Variants in BRD10 observed in about 807,000 individuals in gnomAD.
BRD10 encodes the protein bromodomain containing 10, also known as uncharacterized bromodomain-containing protein 10.
the BRD10 span, among the ~76,000 whole-genome samples, chr9:5,958,337 T>C: frequency 6.6e-6 from 1 of 152,226 alleles, no homozygotes; most frequent in Non-Finnish European, 1.5e-5. Context: ...AGAAATGGCA[T>C]ATTTCTTTAC....
At chr9:5,958,609 GATCCTGTCTCTC>G in the BRD10 span, among the ~76,000 whole-genome samples, 1 of 152,126 alleles carries the variant, frequency 6.6e-6, no homozygotes, top group Admixed American at 6.5e-5. Context: ...AACATAGCGA[GATCCTGTCTCTC>G]AGGGAGGGAT....
At chr9:5,952,923 A>G in the BRD10 span, among the ~76,000 whole-genome samples, 48 of 152,352 alleles carry the variant, frequency 3.2e-4, no homozygotes, top group African/African-American at 1.2e-3. Context: ...ATAATATATA[A>G]AAGGATTTTG....
At chr9:5,907,794 A>C in the BRD10 span, among the ~76,000 whole-genome samples, 4 of 152,130 alleles carry the variant, frequency 2.6e-5, no homozygotes, top group African/African-American at 9.7e-5. Context: ...CTTTACTAAA[A>C]ATACAAAAAT....
chr9:5,984,090 A>G, the BRD10 span, among the ~76,000 whole-genome samples: 9 of 152,162 alleles, frequency 5.9e-5, no homozygotes, highest in African/African-American at 2.2e-4. Flanking sequence ...TGGCAGACCT[A>G]TATTACAAGA....
chr9:5,942,103 T>G, the BRD10 span, among the ~76,000 whole-genome samples: 4 of 152,112 alleles, frequency 2.6e-5, no homozygotes, highest in African/African-American at 9.7e-5. Context: ...ATAAAAGAAT[T>G]GTTTTGACTC....
chr9:5,954,572 A>G, the BRD10 span, among the ~76,000 whole-genome samples: 1 of 152,008 alleles, frequency 6.6e-6, no homozygotes, highest in African/African-American at 2.4e-5. Context: ...AAGTTTTTCT[A>G]CTCCTTTAGC....
the BRD10 span, among the ~76,000 whole-genome samples, chr9:5,956,892 A>G: frequency 6.6e-6 from 1 of 152,146 alleles, no homozygotes; most frequent in African/African-American, 2.4e-5. Context: ...AGCATTTAGC[A>G]CACATAAGTT....
the BRD10 span, among the ~76,000 whole-genome samples, chr9:5,880,766 GC>G: frequency 9.4e-5 from 14 of 148,962 alleles, no homozygotes; most frequent in Middle Eastern, 3.4e-3. Flanking sequence ...GTGCAGTGGT[GC>G]CATCTCAGCT....
the BRD10 span, among the ~76,000 whole-genome samples, chr9:5,966,464 T>TTTG: frequency 2.9e-5 from 4 of 137,098 alleles, no homozygotes; most frequent in Non-Finnish European, 6.3e-5. Context: ...CCTTTTTTTT[T>TTTG]TTTTTTTTTT....
the BRD10 span, among the ~76,000 whole-genome samples, chr9:5,930,240 G>C: frequency 6.6e-6 from 1 of 151,204 alleles, no homozygotes; most frequent in Non-Finnish European, 1.5e-5. Context: ...TGCATAAACA[G>C]ATTTTGTCCT....
the BRD10 span, among the ~76,000 whole-genome samples, chr9:5,905,176 G>C: frequency 6.6e-6 from 1 of 152,014 alleles, no homozygotes; most frequent in Non-Finnish European, 1.5e-5. Context: ...CCATTTCATA[G>C]GCATTATGAG....
the BRD10 span, chr9:5,913,931 C>G: frequency 2.4e-6 from 1 of 421,776 alleles, no homozygotes; most frequent in African/African-American, 2.1e-5. Context: ...AGAAGCATGA[C>G]GCCTACAGGA....
At chr9:5,912,104 T>A in the BRD10 span, among the ~76,000 whole-genome samples, 1 of 152,188 alleles carries the variant, frequency 6.6e-6, no homozygotes, top group Non-Finnish European at 1.5e-5. Context: ...ATCTTTCACT[T>A]CTTAATTCTT....
the BRD10 span, chr9:5,897,413 T>C: frequency 1.4e-6 from 1 of 703,724 alleles, no homozygotes; most frequent in East Asian, 2.7e-5. Flanking sequence ...GTGCCCAGTG[T>C]GGGAGGTGGG....
the BRD10 span, among the ~76,000 whole-genome samples, chr9:5,987,047 CA>C: frequency 6.6e-6 from 1 of 152,170 alleles, no homozygotes; most frequent in East Asian, 1.9e-4. Context: ...GTTCACTACT[CA>C]AAAACTGTAT....
the BRD10 span, chr9:5,906,978 G>A: frequency 6.3e-7 from 1 of 1,598,372 alleles, no homozygotes; most frequent in Non-Finnish European, 8.5e-7. Context: ...GTCTCTTCAA[G>A]AGAAAAACTG....
the BRD10 span, among the ~76,000 whole-genome samples, chr9:5,980,889 G>GTT: frequency 4.7e-4 from 72 of 152,130 alleles, no homozygotes; most frequent in Non-Finnish European, 8.2e-4. Context: ...AATGAAAACT[G>GTT]TTTTCCCCAC....
the BRD10 span, chr9:5,920,451 T>C: frequency 6.2e-7 from 1 of 1,614,006 alleles, no homozygotes; most frequent in East Asian, 2.2e-5. Flanking sequence ...GTGTGAATGG[T>C]AGTGCCACCT....
chr9:5,892,469 T>C, the BRD10 span: 2 of 1,612,814 alleles, frequency 1.2e-6, no homozygotes, highest in East Asian at 4.5e-5. Context: ...GCCCTGACCC[T>C]ACAAGATGCC....
Sources: gnomAD v4.1 joint callset for allele counts (sites outside exome capture counted in the v4.1 genomes callset) on GRCh38, gnomAD v4.1.1 for gene constraint, MANE v1.5 for transcripts, NCBI Gene and HGNC (gene_info 2026-07-23, HGNC 2026-07-21) for gene names.